Variants in KALRN observed in about 807,000 individuals in gnomAD.
KALRN encodes kalirin.
A neutral mutation model predicts 353.7 loss-of-function variants in KALRN; 70 were observed. The ratio of observed to expected loss-of-function variants is 0.20; its 90% confidence interval spans 0.16 to 0.24. The LOEUF (loss-of-function observed/expected upper bound fraction) is 0.24. Ranked by LOEUF, KALRN falls within the 10% of genes least tolerant of loss-of-function variation. The pLI is 1.00. For missense variants in KALRN, 2,791 were observed against 3,756.7 expected, an observed-to-expected ratio of 0.74 and a Z score of 6.72; for synonymous variants, 1,391 against 1,434.8, an observed-to-expected ratio of 0.97 and a Z score of 0.69.
At chr3:124,395,548 G>A in intron 12 of KALRN, 4 of 530,172 alleles carry the variant, frequency 7.5e-6, no homozygotes, top group Admixed American at 3.3e-5. Context: ...ATGTTTCAAA[G>A]AATTATTTAT....
chr3:124,347,421 A>G (rs1056778838), intron 10 of KALRN, among the ~76,000 whole-genome samples, 156 bp downstream of exon 10: 6 of 144,720 alleles, frequency 4.1e-5, no homozygotes, highest in Admixed American at 1.4e-4. Flanking sequence ...GAGGGAGACC[A>G]GGGCTGTGGC....
chr3:124,282,888 T>A (rs1228413820), intron 5 of KALRN, among the ~76,000 whole-genome samples: 1 of 152,172 alleles, frequency 6.6e-6, no homozygotes, highest in Non-Finnish European at 1.5e-5. Flanking sequence ...CCCTTACCTG[T>A]CTGAGCCCCA....
At chr3:124,090,905 A>G (rs2061079547) in intron 1 of KALRN, among the ~76,000 whole-genome samples, 1 of 152,318 alleles carries the variant, frequency 6.6e-6, no homozygotes, top group Non-Finnish European at 1.5e-5. Context: ...TTAGCTGGAA[A>G]GGGCCTCTTG....
intron 37 of KALRN, among the ~76,000 whole-genome samples, chr3:124,645,390 A>G (rs544513749): frequency 6.6e-6 from 1 of 152,216 alleles, no homozygotes; most frequent in South Asian, 2.1e-4. Flanking sequence ...TTTTAATCAT[A>G]GTCTTTGCCC....
intron 5 of KALRN, among the ~76,000 whole-genome samples, chr3:124,278,959 T>G (rs896936918): frequency 1.3e-5 from 2 of 152,356 alleles, no homozygotes; most frequent in African/African-American, 4.8e-5. Flanking sequence ...CCATTTTCCC[T>G]GTTCCTCTTC....
chr3:124,366,660 C>T (rs1448680178), intron 10 of KALRN, among the ~76,000 whole-genome samples: 2 of 151,926 alleles, frequency 1.3e-5, no homozygotes, highest in African/African-American at 2.4e-5. Context: ...CACCTTTCCC[C>T]CCTTTCTATT....
intron 1 of KALRN, among the ~76,000 whole-genome samples, chr3:124,067,005 A>G (rs571104283): frequency 3.3e-5 from 5 of 152,232 alleles, no homozygotes; most frequent in Non-Finnish European, 7.3e-5. Flanking sequence ...TGTTAGCTGC[A>G]GTGCAGACTG....
In KALRN at chr3:124,717,307, A is replaced by G. The variant is rs984461447; in HGVS notation, c.8337A>G (p.Lys2779=). The G allele has an allele frequency of 8.7e-6, 14 of 1,613,196 alleles. No individual in the cohort carries two copies. Among genetic ancestry groups the G allele is most frequent in the Non-Finnish European group, 1.1e-5 (13 of 1,179,466 alleles). ...ATCATGATGAACTGATGGAGGAAAA[A>G]GTAGCTTTCTATATCCGAGACATCA... ...LMNHDELMEE[K]VAFYIRDIME... is the part of the protein sequence containing the mutation. The change falls in exon 59 of 60, where the codon AAA becomes AAG. Residue 2779 remains lysine, a synonymous_variant. Transcript: ENST00000682506.
intron 51 of KALRN, among the ~76,000 whole-genome samples, chr3:124,690,451 C>G (rs2061755409): frequency 2.0e-5 from 3 of 152,126 alleles, no homozygotes; most frequent in Non-Finnish European, 4.4e-5. Context: ...CTTGCCCAGG[C>G]TCTTGGTCCT....
intron 1 of KALRN, among the ~76,000 whole-genome samples, chr3:124,056,422 C>A (rs1391268597): frequency 3.9e-5 from 6 of 152,168 alleles, no homozygotes; most frequent in Admixed American, 1.3e-4. Flanking sequence ...ATGCTGCTCT[C>A]AGCTATTATG....
intron 1 of KALRN, among the ~76,000 whole-genome samples, chr3:124,075,401 C>T (rs1171341387): frequency 1.3e-5 from 2 of 152,222 alleles, no homozygotes; most frequent in East Asian, 3.8e-4. Flanking sequence ...GAAGGATTTT[C>T]ATTCTTGAGG....
chr3:124,361,469 T>C (rs2084029387), intron 10 of KALRN, among the ~76,000 whole-genome samples: 1 of 152,260 alleles, frequency 6.6e-6, no homozygotes, highest in South Asian at 2.1e-4. Context: ...GCCATGGTAA[T>C]AGATGCATAT....
chr3:124,627,312 C>T (rs2080068600), intron 34 of KALRN, among the ~76,000 whole-genome samples: 1 of 152,198 alleles, frequency 6.6e-6, no homozygotes, highest in African/African-American at 2.4e-5. Context: ...GCTCCAGTTG[C>T]TTGCATGGAA....
At chr3:124,523,986 G>A (rs1427325950) in intron 33 of KALRN, among the ~76,000 whole-genome samples, 1 of 152,134 alleles carries the variant, frequency 6.6e-6, no homozygotes. Context: ...CTGCCATTGG[G>A]ACCATTCATT....
chr3:124,244,274 G>C (rs896402355), intron 3 of KALRN, among the ~76,000 whole-genome samples: 5 of 151,742 alleles, frequency 3.3e-5, no homozygotes, highest in African/African-American at 9.7e-5. Flanking sequence ...TTTCACTCTT[G>C]TCACCCAGGC....
chr3:124,549,621 A>C (rs1352525505), intron 33 of KALRN, among the ~76,000 whole-genome samples: 2 of 152,154 alleles, frequency 1.3e-5, no homozygotes, highest in African/African-American at 4.8e-5. Context: ...ATATATACAT[A>C]TATACACACA....
chr3:124,265,971 C>T (rs759637250), intron 4 of KALRN, among the ~76,000 whole-genome samples: 8 of 152,040 alleles, frequency 5.3e-5, no homozygotes, highest in East Asian at 1.9e-4. Flanking sequence ...CAAAATTAGC[C>T]GGGCGTGGTG....
intron 1 of KALRN, among the ~76,000 whole-genome samples, chr3:124,123,076 C>T (rs1364829500): frequency 6.6e-6 from 1 of 151,960 alleles, no homozygotes; most frequent in African/African-American, 2.4e-5. Context: ...TGGCACGTGC[C>T]TGTAATCCCA....
rs563499150 is a variant in KALRN, at chr3:124,545,045, A to T, written c.4936-17798A>T. Among the ~76,000 whole-genome samples, 3 of 152,322 alleles carry T rather than the reference A, an allele frequency of 2.0e-5. No homozygotes were observed. In the South Asian group the frequency reaches 6.2e-4, roughly 32 times the overall value. ...GGAGTTAGGATTTTGTTGTACACAAAGGGAGCCCACTTAAATTTTAAGGCC... is the reference window on the plus strand; with the variant it reads ...GGAGTTAGGATTTTGTTGTACACAATGGGAGCCCACTTAAATTTTAAGGCC... On this transcript the variant is annotated intron_variant, in intron 33 of 59. Transcript: ENST00000682506.
Sources: allele counts gnomAD v4.1 joint callset (sites outside exome capture counted in the v4.1 genomes callset), GRCh38; gene constraint gnomAD v4.1.1; transcripts MANE v1.5; gene names NCBI Gene and HGNC (gene_info 2026-07-23, HGNC 2026-07-21).